COL4A2: variants seen among roughly 807,000 people sequenced by gnomAD.
COL4A2 encodes the protein collagen type IV alpha 2 chain.
Under a neutral mutation model 200.2 loss-of-function variants are expected in COL4A2, and 99 were observed. The ratio of observed to expected loss-of-function variants is 0.49; its 90% CI spans 0.42 to 0.58. The LOEUF is 0.58. Among genes scored for constraint, COL4A2 ranks in the 20% least tolerant of loss-of-function variants. The pLI, the probability that COL4A2 is intolerant of heterozygous loss-of-function variation, is 0.00. For missense variants in COL4A2, 1,950 were observed against 2,314.1 expected (o/e 0.84, Z 3.23); for synonymous variants, 897 against 900.6 (o/e 1.00, Z 0.07).
At chr13:110,352,673 C>T (rs990370349) in intron 3 of COL4A2, among the ~76,000 whole-genome samples, 1 of 152,030 alleles carries the variant, frequency 6.6e-6, no homozygotes, top group African/African-American at 2.4e-5. Flanking sequence ...AGGAAGGTGC[C>T]GGATACGGTT....
chr13:110,447,254 C>T (rs1881365014), intron 18 of COL4A2, among the ~76,000 whole-genome samples: 1 of 152,166 alleles, frequency 6.6e-6, no homozygotes, highest in Admixed American at 6.5e-5. Context: ...CCAAATGCAC[C>T]AAGGTTCTTA....
rs1883709822 is a variant in COL4A2 at position 110,503,159 on chromosome 13, C to T, written c.3916C>T (p.Leu1306Phe). 1.2e-6 allele frequency: 2 copies of T among 1,613,900 alleles called. No homozygotes were observed. Among genetic ancestry groups the T allele is most frequent in the African/African-American group, 2.7e-5 (2 of 74,936 alleles). Residue 1306 changes from leucine (L) to phenylalanine (F), a missense_variant, in exon 42 of 48, where the codon CTT becomes TTT. By Grantham distance (22) the Leu-to-Phe change is conservative. This residue lies in a region of COL4A2 where 1,385 missense variants were observed against 1,720.5 expected (regional missense o/e 0.80). Coordinates refer to ENST00000360467, the MANE Select transcript of COL4A2 (RefSeq NM_001846.4). ...ACCAGGGCCACCAGGTTCTGCTGCTCTTCCTGGAAGCAAAGGTGACACAGG... is the reference window on the plus strand; with the variant it reads ...ACCAGGGCCACCAGGTTCTGCTGCTTTTCCTGGAAGCAAAGGTGACACAGG... ...GPPGPPGSAA[L>F]PGSKGDTGNP...
chr13:110,342,549 G>A (rs1876505927), intron 3 of COL4A2, among the ~76,000 whole-genome samples: 1 of 152,176 alleles, frequency 6.6e-6, no homozygotes, highest in Non-Finnish European at 1.5e-5. Flanking sequence ...CCTGCCGGGA[G>A]CCGGGCACTA....
intron 4 of COL4A2, among the ~76,000 whole-genome samples, chr13:110,420,553 T>C (rs1466277056): frequency 6.6e-6 from 1 of 152,212 alleles, no homozygotes; most frequent in African/African-American, 2.4e-5. Flanking sequence ...GCTTTTGAGA[T>C]TTATGCAAAG....
intron 16 of COL4A2, among the ~76,000 whole-genome samples, chr13:110,440,756 A>G (rs1245879397): frequency 6.6e-6 from 1 of 152,212 alleles, no homozygotes; most frequent in East Asian, 1.9e-4. Context: ...CCCACAGCAC[A>G]CAGCACACGC....
At chr13:110,406,572 A>C (rs1879578154) in intron 4 of COL4A2, among the ~76,000 whole-genome samples, 2 of 152,214 alleles carry the variant, frequency 1.3e-5, no homozygotes, top group Admixed American at 1.3e-4. Context: ...GATGAGCTTC[A>C]AAAGTAATTG....
At chr13:110,497,385 C>T (rs1883493578) in intron 40 of COL4A2, among the ~76,000 whole-genome samples, 1 of 151,906 alleles carries the variant, frequency 6.6e-6, no homozygotes, top group Non-Finnish European at 1.5e-5. Flanking sequence ...AGTCCACCAG[C>T]ACAACCTCCA....
Position 110,512,056 on chromosome 13 carries a change from C to CA in COL4A2, c.5004_5005insA (p.Ala1669SerfsTer76), listed in dbSNP as rs770367566. 6.2e-7 allele frequency: 1 copy of CA among 1,613,858 alleles called. No homozygotes were observed. The highest frequency in any genetic ancestry group is 1.7e-5 in the Admixed American group (1 of 60,034). On this transcript the variant is annotated frameshift_variant, in exon 48 of 48. Transcript: ENST00000360467. LOFTEE classifies it high-confidence loss of function. ...GAGGCCGCGGCACCTGCCACTACTA[C>CA]GCCAACAAGTACAGCTTCTGGCTGA...
At chr13:110,408,004 A>G (rs1482645464) in intron 4 of COL4A2, among the ~76,000 whole-genome samples, 1 of 152,230 alleles carries the variant, frequency 6.6e-6, no homozygotes, top group Non-Finnish European at 1.5e-5. Flanking sequence ...AGAGGCGTCC[A>G]GGAGGGAGGT....
At chr13:110,380,625 G>A (rs1446375877) in intron 4 of COL4A2, among the ~76,000 whole-genome samples, 1 of 151,998 alleles carries the variant, frequency 6.6e-6, no homozygotes, top group Admixed American at 6.6e-5. Context: ...AACACCCACA[G>A]GGCTCTACGT....
In COL4A2 at chr13:110,450,416, C is replaced by T. The variant is rs1236205262; in HGVS notation, c.1301C>T (p.Pro434Leu). ...GGACCTGATGGAAAGCGAGGGCCTCCAGGACCCCCCGGGCTCCCTGGACCA... is the reference window on the plus strand; with the variant it reads ...GGACCTGATGGAAAGCGAGGGCCTCTAGGACCCCCCGGGCTCCCTGGACCA... Reference protein sequence around the residue: ...PPGPDGKRGPPGPPGLPGPPG... With the variant: ...PPGPDGKRGPLGPPGLPGPPG... The change falls in exon 20 of 48, where the codon CCA becomes CTA. Residue 434 changes from proline (P) to leucine (L), a missense_variant. Pro to Leu is a moderately conservative substitution (Grantham distance 98, BLOSUM62 -3). Coordinates refer to ENST00000360467, the MANE Select transcript of COL4A2 (RefSeq NM_001846.4). 1 of 1,614,000 alleles carries T rather than the reference C, an allele frequency of 6.2e-7. No individual in the cohort carries two copies. Among genetic ancestry groups the T allele is most frequent in the African/African-American group, 1.3e-5 (1 of 75,046 alleles).
intron 3 of COL4A2, among the ~76,000 whole-genome samples, chr13:110,318,404 C>T (rs908714687): frequency 2.0e-4 from 31 of 152,178 alleles, no homozygotes; most frequent in African/African-American, 6.8e-4. Context: ...AAGCAACCTG[C>T]AGACGTTCAC....
chr13:110,343,651 C>T (rs1393880409), intron 3 of COL4A2, among the ~76,000 whole-genome samples: 1 of 152,216 alleles, frequency 6.6e-6, no homozygotes, highest in Non-Finnish European at 1.5e-5. Flanking sequence ...AAGCTGCAGG[C>T]ACCTGAGGCT....
intron 29 of COL4A2, 123 bp downstream of exon 29, chr13:110,473,273 G>T: frequency 1.2e-6 from 1 of 834,792 alleles, no homozygotes; most frequent in Non-Finnish European, 1.8e-6. Context: ...CTAGCCATGC[G>T]TACCTTCTCC....
At position 110,385,401 on chromosome 13, in the gene COL4A2, G is replaced by T. The variant is rs913346949; in HGVS notation, c.180+27849G>T. 2.0e-5 allele frequency among the ~76,000 whole-genome samples: 3 copies of T among 152,072 alleles called. No individual in the cohort carries two copies. In the South Asian group the frequency reaches 6.2e-4, roughly 32 times the overall value. Reference sequence around the variant, plus strand: ...GGCACAGTGATTATGATAGTTGGAGGTTACAGTGTGTGGATAGACTGTGGT... The same window carrying T: ...GGCACAGTGATTATGATAGTTGGAGTTTACAGTGTGTGGATAGACTGTGGT... On this transcript the variant is annotated intron_variant, in intron 4 of 47. Coordinates refer to ENST00000360467, the MANE Select transcript of COL4A2 (RefSeq NM_001846.4).
chr13:110,495,573 C>G (rs1391136137), intron 40 of COL4A2, 106 bp downstream of exon 40: 9 of 1,438,358 alleles, frequency 6.3e-6, no homozygotes, highest in Non-Finnish European at 8.4e-6. Context: ...TGCAGAAGTG[C>G]AGGAAAGAGC....
intron 20 of COL4A2, among the ~76,000 whole-genome samples, chr13:110,453,286 G>T (rs927368347): frequency 4.6e-5 from 7 of 152,114 alleles, no homozygotes; most frequent in Non-Finnish European, 1.0e-4. Flanking sequence ...CCGATCACCT[G>T]AGGTCGGGAG....
chr13:110,375,023 T>A (rs1250811731), intron 4 of COL4A2, among the ~76,000 whole-genome samples: 1 of 152,200 alleles, frequency 6.6e-6, no homozygotes, highest in Non-Finnish European at 1.5e-5. Context: ...GGGGCCCTTT[T>A]ACTTTAGTCC....
intron 4 of COL4A2, among the ~76,000 whole-genome samples, chr13:110,375,704 C>A (rs1445722030): frequency 6.6e-6 from 1 of 152,072 alleles, no homozygotes; most frequent in Non-Finnish European, 1.5e-5. Flanking sequence ...GTGACGCACA[C>A]CTGTAATCCC....
Sources: allele counts gnomAD v4.1 joint callset (sites outside exome capture counted in the v4.1 genomes callset), GRCh38; gene constraint gnomAD v4.1.1; regional missense constraint gnomAD v4.1.1; transcripts MANE v1.5; gene names NCBI Gene and HGNC (gene_info 2026-07-23, HGNC 2026-07-21).